Variants in CAPN7 observed in about 807,000 individuals in gnomAD.
CAPN7 encodes calpain 7, also known as calpain-7.
In CAPN7, 72 loss-of-function variants were observed where a neutral mutation model predicts 115.2. The ratio of observed to expected loss-of-function variants is 0.63; its 90% CI spans 0.52 to 0.76. The LOEUF (loss-of-function observed/expected upper bound fraction) is 0.76. CAPN7 is among the 30% of genes least tolerant of loss of function. The pLI, the probability that CAPN7 is intolerant of heterozygous loss-of-function variation, is 0.00. For synonymous variants in CAPN7, 344 were observed against 322.3 expected (o/e 1.07, Z -0.72); for missense variants, 905 against 971.5 (o/e 0.93, Z 0.91).
At chr3:15,238,806 A>T (rs1245266191) in intron 12 of CAPN7, among the ~76,000 whole-genome samples, 1 of 150,654 alleles carries the variant, frequency 6.6e-6, no homozygotes, top group Non-Finnish European at 1.5e-5. Flanking sequence ...CTTTGCTGCT[A>T]CTTGGAAATA....
intron 15 of CAPN7, 112 bp from the exon 16 acceptor site, chr3:15,242,066 T>G (rs1695380827): frequency 1.4e-6 from 1 of 702,062 alleles, no homozygotes; most frequent in Admixed American, 3.1e-5. Context: ...GCTCTTAAAA[T>G]TAGAGATTTT....
chr3:15,221,027 G>A (rs181559839), intron 5 of CAPN7, 46 bp downstream of exon 5: 2 of 1,454,136 alleles, frequency 1.4e-6, no homozygotes, highest in African/African-American at 2.8e-5. Flanking sequence ...TTGTTAACAT[G>A]AATGCAGAAT....
intron 4 of CAPN7, among the ~76,000 whole-genome samples, chr3:15,219,679 A>G (rs966313607): frequency 2.0e-5 from 3 of 152,192 alleles, no homozygotes; most frequent in Non-Finnish European, 2.9e-5. Context: ...ATGTACATGA[A>G]ATTTTTTTGC....
Position 15,251,389 on chromosome 3 carries a change from G to T in CAPN7, c.*129G>T. 1.3e-6 allele frequency: 1 copy of T among 772,952 alleles called. No homozygotes were observed. Among genetic ancestry groups the T allele is most frequent in the South Asian group, 2.0e-5 (1 of 50,560 alleles). The allele number at this position is 772,952 out of a possible 1,614,324, so 47.9% of individuals were successfully genotyped here. A position where few individuals can be genotyped will look rare whatever the true frequency, so the allele number is the denominator to read the frequency against. ...AAATCTCTAAAAACGTGTTACAGTG[G>T]AATCTGGTGCTTGTCAGGGTGTTTG... On this transcript the variant is annotated 3_prime_UTR_variant, in exon 21 of 21. Transcript: ENST00000253693.
chr3:15,215,840 C>G (rs902497318), intron 2 of CAPN7, among the ~76,000 whole-genome samples: 1 of 152,188 alleles, frequency 6.6e-6, no homozygotes, highest in Non-Finnish European at 1.5e-5. Context: ...AATCCCAGCA[C>G]TTTGGGAGGC....
chr3:15,229,551 T>TA (rs1423232734), intron 8 of CAPN7, among the ~76,000 whole-genome samples: 1 of 136,090 alleles, frequency 7.3e-6, no homozygotes, highest in Admixed American at 7.1e-5. Context: ...AAATTGGTTT[T>TA]ACTTTTTTTC....
intron 12 of CAPN7, 83 bp from the exon 13 acceptor site, chr3:15,240,390 T>G (rs1695268944): frequency 8.4e-7 from 1 of 1,197,072 alleles, no homozygotes; most frequent in Non-Finnish European, 1.2e-6. Context: ...TGATAAGTAC[T>G]CAGTTCATCC....
At chr3:15,215,406 A>G (rs1343070312) in intron 2 of CAPN7, among the ~76,000 whole-genome samples, 1 of 152,238 alleles carries the variant, frequency 6.6e-6, no homozygotes, top group Non-Finnish European at 1.5e-5. Flanking sequence ...TTTTTAGCCT[A>G]TTCCCAGAGT....
At position 15,241,221 on chromosome 3, in the gene CAPN7, A is replaced by G. The variant is rs572334175; in HGVS notation, c.1653-232A>G. Among the ~76,000 whole-genome samples the G allele has an allele frequency of 9.2e-5, 14 of 152,250 alleles. No homozygotes were observed. In the East Asian group the frequency reaches 2.5e-3, roughly 27 times the overall value. On this transcript the variant is annotated intron_variant, in intron 14 of 20. Coordinates refer to ENST00000253693, the MANE Select transcript of CAPN7 (RefSeq NM_014296.3). ...CTCTGTCTCAAAAAAATAAATAAAT[A>G]ACGGAATGGTTAATTTAGGAAGACT... is the stretch of plus-strand genomic sequence containing the variant.
chr3:15,225,383 C>T (rs1368059594), intron 6 of CAPN7, among the ~76,000 whole-genome samples: 1 of 152,074 alleles, frequency 6.6e-6, no homozygotes, highest in Non-Finnish European at 1.5e-5. Context: ...CTGGTATTTT[C>T]TTGACAATAT....
intron 9 of CAPN7, 97 bp from the exon 10 acceptor site, chr3:15,232,422 A>G: frequency 1.1e-6 from 1 of 925,826 alleles, no homozygotes; most frequent in Non-Finnish European, 1.6e-6. Context: ...ATTGTGCGTT[A>G]TATTTTATCA....
chr3:15,216,424 G>A (rs1693597580), intron 2 of CAPN7, among the ~76,000 whole-genome samples: 1 of 152,124 alleles, frequency 6.6e-6, no homozygotes, highest in Admixed American at 6.5e-5. Flanking sequence ...CCTTTTGAAT[G>A]CCATCTTTGG....
At chr3:15,208,289 A>ATT (rs553529338) in intron 1 of CAPN7, among the ~76,000 whole-genome samples, 3 of 136,700 alleles carry the variant, frequency 2.2e-5, no homozygotes, top group African/African-American at 7.9e-5. Context: ...GGTGTACCAT[A>ATT]TTTTTTTTTT....
intron 9 of CAPN7, chr3:15,232,288 AATTG>A (rs1223989874): frequency 5.1e-6 from 2 of 390,344 alleles, no homozygotes; most frequent in African/African-American, 2.1e-5. Context: ...ACATTTAATC[AATTG>A]ATTGAAGGTT....
chr3:15,229,329 T>G (rs1019750256), intron 8 of CAPN7, among the ~76,000 whole-genome samples: 2 of 152,166 alleles, frequency 1.3e-5, no homozygotes, highest in African/African-American at 4.8e-5. Context: ...GATAATACTT[T>G]ATGATTGGAC....
chr3:15,242,353 G>T, intron 16 of CAPN7, 100 bp downstream of exon 16: 1 of 712,914 alleles, frequency 1.4e-6, no homozygotes, highest in East Asian at 2.9e-5. Flanking sequence ...ATAATATAGA[G>T]AAATAATTAT....
intron 2 of CAPN7, among the ~76,000 whole-genome samples, chr3:15,216,866 T>C (rs542887748): frequency 6.6e-6 from 1 of 152,290 alleles, no homozygotes; most frequent in East Asian, 1.9e-4. Flanking sequence ...AGTGTATTTT[T>C]TACTATTCTT....
intron 18 of CAPN7, 54 bp from the exon 19 acceptor site, chr3:15,247,273 T>C: frequency 7.6e-7 from 1 of 1,312,132 alleles, no homozygotes; most frequent in Non-Finnish European, 1.0e-6. Flanking sequence ...GTTTTGTCTT[T>C]AAGTGGAATT....
chr3:15,237,705 C>T (rs1234582692), intron 12 of CAPN7, among the ~76,000 whole-genome samples: 1 of 152,160 alleles, frequency 6.6e-6, no homozygotes, highest in African/African-American at 2.4e-5. Context: ...CACCGTGGGT[C>T]ACCCCTATAA....
Sources: allele counts gnomAD v4.1 joint callset (sites outside exome capture counted in the v4.1 genomes callset), GRCh38; gene constraint gnomAD v4.1.1; transcripts MANE v1.5; gene names NCBI Gene and HGNC (gene_info 2026-07-23, HGNC 2026-07-21).